Variants in DGKB observed in about 807,000 individuals in gnomAD.
DGKB encodes the protein 90 kDa diacylglycerol kinase.
Under a neutral mutation model 114.3 loss-of-function variants are expected in DGKB, and 67 were observed. That is an observed-to-expected ratio of 0.59 (90% CI 0.48 to 0.72). The LOEUF is 0.72. DGKB is among the 30% of genes least tolerant of loss of function. DGKB has a pLI of 0.00. For synonymous variants in DGKB, 398 were observed against 323.1 expected (o/e 1.23, Z -2.49); for missense variants, 907 against 975.2 (o/e 0.93, Z 0.93).
chr7:14,556,218 T>C (rs1795848790), intron 20 of DGKB, among the ~76,000 whole-genome samples: 2 of 152,282 alleles, frequency 1.3e-5, no homozygotes, highest in African/African-American at 4.8e-5. Flanking sequence ...TTTAACTAAA[T>C]GTAAACCTTG....
chr7:14,316,285 G>C (rs1806496050), intron 23 of DGKB, among the ~76,000 whole-genome samples: 6 of 148,662 alleles, frequency 4.0e-5, no homozygotes, highest in Non-Finnish European at 3.0e-5. Flanking sequence ...ACTAAAATCA[G>C]AGCAGAACTG....
chr7:14,657,996 A>T (rs1397052765), intron 13 of DGKB, among the ~76,000 whole-genome samples: 1 of 151,976 alleles, frequency 6.6e-6, no homozygotes, highest in Non-Finnish European at 1.5e-5. Context: ...TTAGTTCAAC[A>T]CATGCTCTAA....
At chr7:14,730,637 C>T (rs1248888842) in intron 5 of DGKB, among the ~76,000 whole-genome samples, 2 of 152,102 alleles carry the variant, frequency 1.3e-5, no homozygotes, top group African/African-American at 2.4e-5. Flanking sequence ...GCCTACGTGA[C>T]ATGGTGCTTC....
At chr7:14,833,766 G>C (rs7793794) in intron 2 of DGKB, among the ~76,000 whole-genome samples, 65,753 of 151,798 alleles carry the variant, frequency 0.43, 15,055 homozygotes, top group South Asian at 0.62. Context: ...ATATGTAACA[G>C]TCATTCCTGC....
At chr7:14,568,718 T>C (rs1797951895) in intron 20 of DGKB, among the ~76,000 whole-genome samples, 1 of 152,222 alleles carries the variant, frequency 6.6e-6, no homozygotes, top group African/African-American at 2.4e-5. Context: ...ACAAAGGGTC[T>C]ATAACAATGA....
At chr7:14,504,703 T>A (rs1047089086) in intron 20 of DGKB, among the ~76,000 whole-genome samples, 4 of 152,174 alleles carry the variant, frequency 2.6e-5, no homozygotes, top group Admixed American at 2.6e-4. Context: ...AAAGTACTAT[T>A]TTTCTTTAAA....
In DGKB at chr7:14,504,265, C is replaced by T. The variant is rs150181238; in HGVS notation, c.1771-26040G>A. On this transcript the variant is annotated intron_variant, in intron 20 of 25. Transcript: ENST00000402815. The stretch of plus-strand genomic sequence containing the variant: ...TAATTCTGATGTGTAAACCAACAAA[C>T]AGAGAGGCTCTGTGTATGGAGTAGC... Among the ~76,000 whole-genome samples the T allele has an allele frequency of 1.3e-4, 20 of 152,266 alleles. 1 individual carries two copies. Among genetic ancestry groups the T allele is most frequent in the African/African-American group, 4.8e-4 (20 of 41,558 alleles).
intron 1 of DGKB, among the ~76,000 whole-genome samples, chr7:14,949,766 G>A (rs928147915): frequency 2.0e-5 from 3 of 151,996 alleles, no homozygotes; most frequent in Non-Finnish European, 4.4e-5. Flanking sequence ...GGAATACTAT[G>A]CAGCCATATA....
At chr7:14,379,011 T>A (rs1818944350) in intron 21 of DGKB, among the ~76,000 whole-genome samples, 1 of 150,938 alleles carries the variant, frequency 6.6e-6, no homozygotes, top group South Asian at 2.1e-4. Context: ...ATAATGAGAT[T>A]GGGGAAAATG....
At chr7:14,967,303 CT>C (rs1344899663) in intron 1 of DGKB, among the ~76,000 whole-genome samples, 4 of 139,478 alleles carry the variant, frequency 2.9e-5, no homozygotes, top group African/African-American at 1.1e-4. Context: ...TGTTTCCTGA[CT>C]TGATTTATTT....
At chr7:14,234,245 C>T (rs894596380) in intron 23 of DGKB, among the ~76,000 whole-genome samples, 2 of 151,898 alleles carry the variant, frequency 1.3e-5, no homozygotes, top group Non-Finnish European at 2.9e-5. Context: ...AACCCTTGTC[C>T]GTGCTAATTG....
chr7:14,688,200 T>A (rs900248671), intron 9 of DGKB, among the ~76,000 whole-genome samples: 8 of 152,176 alleles, frequency 5.3e-5, no homozygotes, highest in African/African-American at 1.9e-4. Context: ...GTAGAGCACA[T>A]TCCTATTAGT....
chr7:14,207,062 G>A (rs1269747695), intron 23 of DGKB, among the ~76,000 whole-genome samples: 2 of 151,946 alleles, frequency 1.3e-5, no homozygotes, highest in Non-Finnish European at 1.5e-5. Flanking sequence ...GAGTTGAAGA[G>A]GTTGATCATG....
At chr7:14,370,952 C>T (rs939976101) in intron 21 of DGKB, among the ~76,000 whole-genome samples, 1 of 152,054 alleles carries the variant, frequency 6.6e-6, no homozygotes, top group East Asian at 1.9e-4. Flanking sequence ...TTAGTTAGGA[C>T]AATGACCTCC....
intron 23 of DGKB, among the ~76,000 whole-genome samples, chr7:14,312,299 G>C (rs1208942456): frequency 1.3e-5 from 2 of 152,144 alleles, no homozygotes. Context: ...AATCTTGAAG[G>C]TCCCTGAAAC....
At chr7:14,777,179 T>C (rs1361376347) in intron 2 of DGKB, among the ~76,000 whole-genome samples, 1 of 152,158 alleles carries the variant, frequency 6.6e-6, no homozygotes, top group African/African-American at 2.4e-5. Flanking sequence ...CCGTTGTATC[T>C]AGGAAGTGAC....
intron 2 of DGKB, among the ~76,000 whole-genome samples, chr7:14,771,201 G>A (rs750231549): frequency 7.9e-5 from 12 of 152,088 alleles, no homozygotes; most frequent in Non-Finnish European, 1.5e-4. Flanking sequence ...TAGATTAGAG[G>A]TTAATCACAT....
At chr7:14,647,629 A>AC (rs138158791) in intron 13 of DGKB, among the ~76,000 whole-genome samples, 102,719 of 151,520 alleles carry the variant, frequency 0.68, 35,281 homozygotes, top group East Asian at 0.79. Context: ...AAGATAATTC[A>AC]TGGGGGAGGA....
chr7:14,390,602 C>A (rs939120541), intron 21 of DGKB, among the ~76,000 whole-genome samples: 3 of 152,092 alleles, frequency 2.0e-5, no homozygotes, highest in African/African-American at 7.2e-5. Context: ...ACAAGAGCCA[C>A]AAAGACAAAA....
Sources: allele counts gnomAD v4.1 joint callset (sites outside exome capture counted in the v4.1 genomes callset), GRCh38; gene constraint gnomAD v4.1.1; transcripts MANE v1.5; gene names NCBI Gene and HGNC (gene_info 2026-07-23, HGNC 2026-07-21).